Variants in OSBPL8 observed in about 807,000 individuals in gnomAD.
OSBPL8 encodes the protein oxysterol binding protein like 8.
In OSBPL8, 59 loss-of-function variants were observed where a neutral mutation model predicts 125.5. That is an observed-to-expected ratio of 0.47 (90% CI 0.38 to 0.58). The LOEUF (loss-of-function observed/expected upper bound fraction) is 0.58, where lower values mean the gene tolerates loss of function less well. Ranked by LOEUF, OSBPL8 falls within the 20% of genes least tolerant of loss-of-function variation. OSBPL8 has a pLI of 0.00. For missense variants in OSBPL8, 758 were observed against 1,047.8 expected (o/e 0.72, Z 3.82); for synonymous variants, 330 against 338.9 (o/e 0.97, Z 0.29).
intron 4 of OSBPL8, among the ~76,000 whole-genome samples, chr12:76,418,590 G>A (rs1290484976): frequency 1.3e-5 from 2 of 152,096 alleles, no homozygotes; most frequent in Non-Finnish European, 2.9e-5. Context: ...CAGCGCTTCG[G>A]GAGGCTGAAG....
chr12:76,480,599 T>C (rs1204505594), intron 2 of OSBPL8, among the ~76,000 whole-genome samples: 1 of 152,234 alleles, frequency 6.6e-6, no homozygotes, highest in East Asian at 1.9e-4. Flanking sequence ...AGTAATAAAC[T>C]AGTGACTAAA....
chr12:76,396,454 T>C (rs1021739561), intron 8 of OSBPL8, among the ~76,000 whole-genome samples: 15 of 152,134 alleles, frequency 9.9e-5, no homozygotes, highest in African/African-American at 3.1e-4. Context: ...AAAGCAATGA[T>C]CATTTCGTAA....
At chr12:76,551,966 G>A (rs1950950759) in intron 1 of OSBPL8, among the ~76,000 whole-genome samples, 1 of 152,068 alleles carries the variant, frequency 6.6e-6, no homozygotes, top group African/African-American at 2.4e-5. Flanking sequence ...GGTAAATTTA[G>A]GGACTGTAGA....
At chr12:76,543,215 T>C (rs1055552874) in intron 1 of OSBPL8, among the ~76,000 whole-genome samples, 5 of 152,068 alleles carry the variant, frequency 3.3e-5, no homozygotes, top group African/African-American at 9.7e-5. Context: ...TGCACTGAAA[T>C]CTATTGAATT....
At chr12:76,422,645 T>C (rs1475411707) in intron 4 of OSBPL8, 2 of 456,364 alleles carry the variant, frequency 4.4e-6, no homozygotes, top group Non-Finnish European at 4.4e-6. Context: ...TGAGCTCTCT[T>C]CTTTCATAGC....
chr12:76,367,697 A>T (rs1952473214), intron 21 of OSBPL8, among the ~76,000 whole-genome samples: 1 of 150,316 alleles, frequency 6.7e-6, no homozygotes, highest in African/African-American at 2.5e-5. Context: ...TTCCCTTCTC[A>T]TTTTCTTTTG....
chr12:76,414,866 C>T (rs1039050534), intron 4 of OSBPL8, among the ~76,000 whole-genome samples: 1 of 152,098 alleles, frequency 6.6e-6, no homozygotes, highest in African/African-American at 2.4e-5. Context: ...TTAAGATAAT[C>T]ATATTATTTT....
rs200078100 is a variant in OSBPL8, at chr12:76,431,309, C to CA, written c.217+19541dup. On this transcript the variant is annotated intron_variant, in intron 4 of 23. Coordinates refer to ENST00000261183, the MANE Select transcript of OSBPL8 (RefSeq NM_020841.5). The stretch of plus-strand genomic sequence containing the variant: ...TGCCAAAAAAAGAAAAAAAAACACA[C>CA]AAAAAACAAAAAAAACCCACAAAGA... Among the ~76,000 whole-genome samples, 887 of 148,076 alleles carry CA rather than the reference C, an allele frequency of 6.0e-3. 4 individuals carry two copies. The highest frequency in any genetic ancestry group is 0.011 in the Admixed American group (162 of 14,996).
chr12:76,419,291 T>TATAAATATATA (rs1869159516), intron 4 of OSBPL8, among the ~76,000 whole-genome samples: 1 of 152,172 alleles, frequency 6.6e-6, no homozygotes, highest in Non-Finnish European at 1.5e-5. Context: ...ATATTTATAG[T>TATAAATATATA]GTACCTACCT....
intron 1 of OSBPL8, among the ~76,000 whole-genome samples, chr12:76,553,656 G>A (rs1034796364): frequency 6.6e-6 from 1 of 150,664 alleles, no homozygotes; most frequent in African/African-American, 2.4e-5. Flanking sequence ...CAGCCTAGGT[G>A]ACAGCTCAAG....
intron 1 of OSBPL8, among the ~76,000 whole-genome samples, chr12:76,497,876 T>C (rs1018588508): frequency 4.6e-5 from 7 of 152,234 alleles, no homozygotes; most frequent in African/African-American, 1.7e-4. Flanking sequence ...GGATTGGGCA[T>C]TTTTATATCA....
intron 4 of OSBPL8, among the ~76,000 whole-genome samples, chr12:76,425,427 G>T (rs1427169816): frequency 6.6e-6 from 1 of 152,118 alleles, no homozygotes; most frequent in Non-Finnish European, 1.5e-5. Flanking sequence ...TATTCCTATA[G>T]GACTTACTTC....
intron 2 of OSBPL8, among the ~76,000 whole-genome samples, chr12:76,478,624 A>AT (rs762336041): frequency 6.6e-6 from 1 of 152,164 alleles, no homozygotes; most frequent in Non-Finnish European, 1.5e-5. Context: ...TAACCATCTA[A>AT]TAAGGTAAGA....
intron 2 of OSBPL8, among the ~76,000 whole-genome samples, chr12:76,483,232 G>T (rs959495912): frequency 7.3e-5 from 11 of 149,882 alleles, no homozygotes; most frequent in African/African-American, 2.7e-4. Context: ...CTGCACTCCA[G>T]CCTGGGTGAC....
chr12:76,371,585 C>T lies in OSBPL8; in HGVS notation c.1918-1G>A. On this transcript the variant is annotated splice_acceptor_variant, in intron 18 of 23. Coordinates refer to ENST00000261183, the MANE Select transcript of OSBPL8 (RefSeq NM_020841.5). LOFTEE classifies it high-confidence loss of function. ...TATCAGTAATAAAAACTTCACTATC[C>T]TATATTTAAAAAAATTCAAAATTAA... The T allele has an allele frequency of 1.9e-6, 3 of 1,565,524 alleles. No individual in the cohort carries two copies. Among genetic ancestry groups the T allele is most frequent in the Non-Finnish European group, 8.6e-7 (1 of 1,157,344 alleles).
At chr12:76,359,182 A>G (rs1952103799) in intron 21 of OSBPL8, among the ~76,000 whole-genome samples, 2 of 152,188 alleles carry the variant, frequency 1.3e-5, no homozygotes, top group South Asian at 4.1e-4. Context: ...ATTCTCTAGT[A>G]GAATGTTAAA....
intron 21 of OSBPL8, among the ~76,000 whole-genome samples, chr12:76,363,154 C>G (rs892223507): frequency 6.6e-6 from 1 of 152,200 alleles, no homozygotes; most frequent in Non-Finnish European, 1.5e-5. Flanking sequence ...CTACCACTGA[C>G]TTTCTTCACA....
chr12:76,360,571 G>T (rs947696539), intron 21 of OSBPL8, among the ~76,000 whole-genome samples: 2 of 152,212 alleles, frequency 1.3e-5, no homozygotes, highest in Non-Finnish European at 2.9e-5. Flanking sequence ...GGGACTCTGT[G>T]GGGGGCTCCG....
chr12:76,352,163 A>G lies in OSBPL8; in HGVS notation c.*3726T>C, dbSNP rs1951846270. 1 of 152,662 alleles carries G rather than the reference A, an allele frequency of 6.6e-6. No individual in the cohort carries two copies. 9.5% of individuals were successfully genotyped at this position (152,662 alleles called of 1,614,324 possible). A position where few individuals can be genotyped will look rare whatever the true frequency, so the allele number is the denominator to read the frequency against. ...AATTTCAACTGAAGTTCTGTGGCTC[A>G]TCAGTTCAAATGTTTCATGGCATTT... On this transcript the variant is annotated 3_prime_UTR_variant, in exon 24 of 24. Coordinates refer to ENST00000261183, the MANE Select transcript of OSBPL8 (RefSeq NM_020841.5).
Sources: gnomAD v4.1 joint callset for allele counts (sites outside exome capture counted in the v4.1 genomes callset) on GRCh38, gnomAD v4.1.1 for gene constraint, MANE v1.5 for transcripts, NCBI Gene and HGNC (gene_info 2026-07-23, HGNC 2026-07-21) for gene names.